ARHGEF37: variants seen among roughly 807,000 people sequenced by gnomAD.
The protein encoded by ARHGEF37 is Rho guanine nucleotide exchange factor (GEF) 37.
A neutral mutation model predicts 71.1 loss-of-function variants in ARHGEF37; 55 were observed. The observed-to-expected ratio is 0.77, with a 90% confidence interval of 0.62 to 0.97. The LOEUF (loss-of-function observed/expected upper bound fraction) is 0.97. Among genes scored for constraint, ARHGEF37 ranks in the 50% least tolerant of loss-of-function variants. The pLI is 0.00. For missense variants in ARHGEF37, 765 were observed against 836.8 expected (o/e 0.91, Z 1.06); for synonymous variants, 327 against 350.6 (o/e 0.93, Z 0.75).
intron 3 of ARHGEF37, among the ~76,000 whole-genome samples, chr5:149,607,103 A>G (rs1431128391): frequency 1.3e-5 from 2 of 152,140 alleles, no homozygotes; most frequent in Admixed American, 1.3e-4. Context: ...GGGTTTCGCT[A>G]TGTTGGCCAG....
chr5:149,623,496 G>C (rs1173538479), intron 9 of ARHGEF37, among the ~76,000 whole-genome samples: 4 of 152,206 alleles, frequency 2.6e-5, no homozygotes, highest in Admixed American at 1.3e-4. Flanking sequence ...GTAGCCTAGA[G>C]GTTTTCTCTC....
chr5:149,585,863 A>G (rs1340600948), intron 1 of ARHGEF37, among the ~76,000 whole-genome samples: 1 of 152,208 alleles, frequency 6.6e-6, no homozygotes, highest in Non-Finnish European at 1.5e-5. Context: ...TTGCTATTCC[A>G]TACCTGAACT....
intron 1 of ARHGEF37, among the ~76,000 whole-genome samples, chr5:149,561,038 G>T (rs1762822050): frequency 6.6e-6 from 1 of 152,120 alleles, no homozygotes; most frequent in South Asian, 2.1e-4. Context: ...ACTTTGGGAG[G>T]CCAAAGCAGG....
At chr5:149,608,991 C>T (rs1763995157) in intron 3 of ARHGEF37, among the ~76,000 whole-genome samples, 1 of 152,034 alleles carries the variant, frequency 6.6e-6, no homozygotes, top group African/African-American at 2.4e-5. Flanking sequence ...TCAAGACCAG[C>T]CTGGCCAACA....
At chr5:149,605,233 A>G (rs1763884593) in intron 3 of ARHGEF37, among the ~76,000 whole-genome samples, 1 of 151,168 alleles carries the variant, frequency 6.6e-6, no homozygotes. Flanking sequence ...TCTCAAAAAA[A>G]AAAAAAAAGA....
chr5:149,582,130 G>A (rs1443054871), intron 1 of ARHGEF37, among the ~76,000 whole-genome samples: 1 of 152,236 alleles, frequency 6.6e-6, no homozygotes, highest in African/African-American at 2.4e-5. Flanking sequence ...GCTGGGACTA[G>A]AAGTCAGAAC....
intron 1 of ARHGEF37, among the ~76,000 whole-genome samples, chr5:149,589,904 C>T (rs2113284048): frequency 6.6e-6 from 1 of 152,144 alleles, no homozygotes; most frequent in African/African-American, 2.4e-5. Context: ...TGAGCTCAAG[C>T]AATCCTCCCA....
chr5:149,567,995 C>T (rs1437561051), intron 1 of ARHGEF37, among the ~76,000 whole-genome samples: 4 of 152,138 alleles, frequency 2.6e-5, no homozygotes, highest in Non-Finnish European at 2.9e-5. Flanking sequence ...AGTTTATATA[C>T]ATCTAATTCC....
At chr5:149,606,228 C>T (rs7715047) in intron 3 of ARHGEF37, among the ~76,000 whole-genome samples, 51,341 of 152,048 alleles carry the variant, frequency 0.34, 10,761 homozygotes, top group Non-Finnish European at 0.47. Flanking sequence ...TTAGCCAGGC[C>T]GTCTCTGCAG....
In ARHGEF37 at chr5:149,566,379, C is replaced by T. The variant is rs189808468; in HGVS notation, c.-12+14256C>T. Among the ~76,000 whole-genome samples, 475 of 152,058 alleles carry T rather than the reference C, an allele frequency of 3.1e-3. 2 individuals carry two copies. The highest frequency in any genetic ancestry group is 0.011 in the African/African-American group (452 of 41,490). On this transcript the variant is annotated intron_variant, in intron 1 of 2. Coordinates refer to the ARHGEF37 transcript ENST00000505810. ...GGTCATGGTAGCAGGCACCTGTAATCCCAGCTACTCGGGAGGCTGAGGCAG... is the reference window on the plus strand; with the variant it reads ...GGTCATGGTAGCAGGCACCTGTAATTCCAGCTACTCGGGAGGCTGAGGCAG...
In ARHGEF37 at chr5:149,598,188, G is replaced by A. The variant is rs7710341; in HGVS notation, c.186+233G>A. Among the ~76,000 whole-genome samples, 676 of 152,050 alleles carry A rather than the reference G, an allele frequency of 4.4e-3. 8 individuals carry two copies. The highest frequency in any genetic ancestry group is 0.015 in the African/African-American group (640 of 41,456). On this transcript the variant is annotated intron_variant, in intron 2 of 12. Transcript: ENST00000333677. Reference sequence around the variant, plus strand: ...TGTATTCCTTGGCTAACTGGTGAGCGGAATAATCACTGGGAGACCTATGTG... The same window carrying A: ...TGTATTCCTTGGCTAACTGGTGAGCAGAATAATCACTGGGAGACCTATGTG...
chr5:149,551,814 C>T (rs549911108), upstream of ARHGEF37: 1 of 151,736 alleles, frequency 6.6e-6, no homozygotes, highest in Admixed American at 6.5e-5. Flanking sequence ...CGGTTTTTAA[C>T]CTTTGATCTT....
chr5:149,628,971 G>A lies in ARHGEF37; in HGVS notation c.1818+5G>A. The A allele has an allele frequency of 6.2e-7, 1 of 1,610,874 alleles. No homozygotes were observed. Among genetic ancestry groups the A allele is most frequent in the Non-Finnish European group, 8.5e-7 (1 of 1,179,176 alleles). On this transcript the variant is annotated splice_donor_5th_base_variant and intron_variant, in intron 12 of 12. Coordinates refer to ENST00000333677, the MANE Select transcript of ARHGEF37 (RefSeq NM_001001669.3). ...TCTATTCCCACCATGAACCAGGTGA[G>A]TATAGGAGAGGGCTGGGGGCTTGCC...
intron 3 of ARHGEF37, among the ~76,000 whole-genome samples, chr5:149,602,138 C>T (rs899257371): frequency 6.6e-6 from 1 of 151,406 alleles, no homozygotes; most frequent in Non-Finnish European, 1.5e-5. Flanking sequence ...CTCACTGCAA[C>T]CTCCGCCTCC....
rs1323152311 is a variant in ARHGEF37, at chr5:149,632,616, TGGTCAGACA to T, written c.*427_*435del. ...GGTTCTGGAGGAGTCCAGAACTGCC[TGGTCAGACA>T]GTTCACTTCCTACACATGGTATCAG... On this transcript the variant is annotated 3_prime_UTR_variant, in exon 13 of 13. Coordinates refer to ENST00000333677, the MANE Select transcript of ARHGEF37 (RefSeq NM_001001669.3). 5.3e-6 allele frequency: 1 copy of T among 188,414 alleles called. No homozygotes were observed. Among genetic ancestry groups the T allele is most frequent in the African/African-American group, 2.3e-5 (1 of 43,674 alleles). The allele number at this position is 188,414 out of a possible 1,614,324, so 11.7% of individuals were successfully genotyped here.
intron 3 of ARHGEF37, among the ~76,000 whole-genome samples, chr5:149,604,722 G>A (rs201567008): frequency 2.2e-5 from 3 of 134,646 alleles, no homozygotes; most frequent in Non-Finnish European, 4.6e-5. Context: ...TCTCTCTGTC[G>A]CCCAGGCTGG....
At chr5:149,597,290 C>T (rs1014423689) in intron 1 of ARHGEF37, among the ~76,000 whole-genome samples, 9 of 152,056 alleles carry the variant, frequency 5.9e-5, no homozygotes, top group Non-Finnish European at 8.8e-5. Context: ...AAGAATCTTG[C>T]TCTGTTGCCC....
chr5:149,583,320 A>G (rs73267839), intron 1 of ARHGEF37, among the ~76,000 whole-genome samples: 1 of 152,094 alleles, frequency 6.6e-6, no homozygotes, highest in Non-Finnish European at 1.5e-5. Context: ...GTATTTTAGT[A>G]GAGATGGGGT....
intron 1 of ARHGEF37, among the ~76,000 whole-genome samples, chr5:149,560,501 G>C (rs534334102): frequency 2.0e-5 from 3 of 152,276 alleles, no homozygotes; most frequent in African/African-American, 7.2e-5. Context: ...GTTAAATTAT[G>C]TCAGAAAATG....
Sources: allele counts gnomAD v4.1 joint callset (sites outside exome capture counted in the v4.1 genomes callset), GRCh38; gene constraint gnomAD v4.1.1; transcripts MANE v1.5; gene names NCBI Gene and HGNC (gene_info 2026-07-23, HGNC 2026-07-21).